PBLD: variants seen among roughly 807,000 people sequenced by gnomAD.
The protein encoded by PBLD is phenazine biosynthesis-like domain-containing protein.
PBLD carries 26 observed loss-of-function variants against 31.3 expected under a neutral mutation model. The ratio of observed to expected loss-of-function variants is 0.83; its 90% CI spans 0.61 to 1.15. The LOEUF is 1.15. Ranked by LOEUF, PBLD falls within the 50% of genes most tolerant of loss-of-function variation. PBLD has a pLI of 0.00. For missense variants in PBLD, 307 were observed against 351.7 expected, an observed-to-expected ratio of 0.87 and a Z score of 1.02; for synonymous variants, 114 against 129.0, an observed-to-expected ratio of 0.88 and a Z score of 0.79.
rs1379246864 is a variant in PBLD, at chr10:68,284,163, C to T, written c.*14G>A. 2.5e-6 allele frequency: 4 copies of T among 1,601,838 alleles called. No homozygotes were observed. Among genetic ancestry groups the T allele is most frequent in the Non-Finnish European group, 3.4e-6 (4 of 1,169,940 alleles). ...TTGGTGGTTAGAGACAGCAGCGTCA[C>T]AGCATAACCACCTCTAGGCTGTCAG... On this transcript the variant is annotated 3_prime_UTR_variant, in exon 10 of 10. Transcript: ENST00000358769.
Position 68,292,374 on chromosome 10 carries a change from T to C in PBLD, c.284-136A>G, listed in dbSNP as rs2044371481. The C allele has an allele frequency of 7.0e-6, 5 of 711,782 alleles. No individual in the cohort carries two copies. The South Asian group carries it at 7.2e-5, about 10-fold the overall frequency. The allele number at this position is 711,782 out of a possible 1,614,324, so 44.1% of individuals were successfully genotyped here. ...TATGATGGAGCGAGGTTTGGGTTGC[T>C]GAGGTCTAGAATGGAGAAAACTCTC... On this transcript the variant is annotated intron_variant, in intron 4 of 9. Transcript: ENST00000358769.
At chr10:68,322,494 C>A (rs918060660) in intron 1 of PBLD, among the ~76,000 whole-genome samples, 5 of 146,456 alleles carry the variant, frequency 3.4e-5, no homozygotes, top group African/African-American at 1.3e-4. Flanking sequence ...GATCTCATCT[C>A]GACAAAAAAT....
At chr10:68,297,144 T>C (rs1589653770) in intron 2 of PBLD, 159 bp from the exon 3 acceptor site, 2 of 636,822 alleles carry the variant, frequency 3.1e-6, no homozygotes, top group East Asian at 5.5e-5. Flanking sequence ...TTTATAAAGA[T>C]TGGTTCTCAG....
intron 1 of PBLD, among the ~76,000 whole-genome samples, chr10:68,328,379 A>T (rs148864207): frequency 1.4e-4 from 21 of 152,078 alleles, no homozygotes; most frequent in Non-Finnish European, 2.8e-4. Context: ...GAAGAGTGTA[A>T]TCTCTTTCAA....
intron 2 of PBLD, among the ~76,000 whole-genome samples, chr10:68,302,022 C>T (rs942201529): frequency 2.0e-5 from 3 of 152,180 alleles, no homozygotes; most frequent in Admixed American, 6.5e-5. Flanking sequence ...ACACTGCAAC[C>T]AAAGGTCAAG....
chr10:68,303,151 A>G (rs4746758), intron 2 of PBLD, among the ~76,000 whole-genome samples: 119,525 of 151,680 alleles, frequency 0.79, 47,719 homozygotes, highest in Non-Finnish European at 0.86. Flanking sequence ...TGGGCTCACT[A>G]CAACCTCTGC....
chr10:68,300,584 G>A (rs1401229356), intron 2 of PBLD, among the ~76,000 whole-genome samples: 1 of 152,212 alleles, frequency 6.6e-6, no homozygotes, highest in Non-Finnish European at 1.5e-5. Flanking sequence ...ATTTTCACAA[G>A]CTCCCCAGGT....
chr10:68,298,550 T>C (rs892751764), intron 2 of PBLD, among the ~76,000 whole-genome samples: 2 of 152,182 alleles, frequency 1.3e-5, no homozygotes, highest in Non-Finnish European at 2.9e-5. Flanking sequence ...AACTTTTCTG[T>C]AGGTTTTTAA....
At chr10:68,294,767 G>A (rs897994889) in intron 4 of PBLD, among the ~76,000 whole-genome samples, 5 of 151,922 alleles carry the variant, frequency 3.3e-5, no homozygotes, top group African/African-American at 9.7e-5. Context: ...TCGCTCTGTC[G>A]CCCAGGCTGG....
chr10:68,299,550 G>A (rs1210423902), intron 2 of PBLD, among the ~76,000 whole-genome samples: 1 of 151,954 alleles, frequency 6.6e-6, no homozygotes, highest in Non-Finnish European at 1.5e-5. Flanking sequence ...TAAAACTACC[G>A]GCTGATATAA....
chr10:68,284,419 T>C (rs1334331057), intron 9 of PBLD, 130 bp from the exon 10 acceptor site: 9 of 754,920 alleles, frequency 1.2e-5, no homozygotes, highest in Non-Finnish European at 1.9e-5. Context: ...TTCGTCTGTT[T>C]ATGGTACTGC....
chr10:68,297,385 T>A lies in PBLD; in HGVS notation c.85-400A>T, dbSNP rs532914738. On this transcript the variant is annotated intron_variant, in intron 2 of 9. Transcript: ENST00000358769. ...CACTCTGGGCAGGCTGGACCACTCC[T>A]CCCCTGTCTTTGCATGGTTCACTCT... 3.0e-4 allele frequency among the ~76,000 whole-genome samples: 45 copies of A among 152,278 alleles called. No individual in the cohort carries two copies. In the South Asian group the frequency reaches 9.1e-3, roughly 31 times the overall value.
At chr10:68,319,854 G>A (rs1056274139) in intron 1 of PBLD, among the ~76,000 whole-genome samples, 14 of 139,788 alleles carry the variant, frequency 1.0e-4, no homozygotes, top group Non-Finnish European at 1.7e-4. Flanking sequence ...ATGGAGTTTC[G>A]CTCTTGTTGC....
intron 1 of PBLD, among the ~76,000 whole-genome samples, chr10:68,315,229 G>T (rs1158112405): frequency 6.6e-6 from 1 of 152,194 alleles, no homozygotes; most frequent in Non-Finnish European, 1.5e-5. Context: ...TAAGGCAAAT[G>T]ATAGGCTAAT....
intron 7 of PBLD, 130 bp from the exon 8 acceptor site, chr10:68,288,791 A>C (rs1022689439): frequency 1.6e-6 from 2 of 1,265,544 alleles, no homozygotes; most frequent in Non-Finnish European, 2.2e-6. Flanking sequence ...AACAAGTGGG[A>C]ATGTCTTCCT....
At chr10:68,292,685 T>C (rs1478443006) in intron 4 of PBLD, among the ~76,000 whole-genome samples, 2 of 151,988 alleles carry the variant, frequency 1.3e-5, no homozygotes, top group Non-Finnish European at 2.9e-5. Flanking sequence ...AATTTTTGTA[T>C]TTTTAGTAGA....
rs150281330 is a variant in PBLD at position 68,289,189 on chromosome 10, G to A, written c.424-170C>T. ...TTCAGAGCTTAAGGTGTTGCCCAAG[G>A]ATGGTCAGTCTCCTGGCTACCAAAG... On this transcript the variant is annotated intron_variant, in intron 6 of 9. Coordinates refer to ENST00000358769, the MANE Select transcript of PBLD (RefSeq NM_022129.4). 2.9e-3 allele frequency among the ~76,000 whole-genome samples: 447 copies of A among 152,234 alleles called. 2 individuals are homozygous for A. Among genetic ancestry groups the A allele is most frequent in the South Asian group, 0.013 (64 of 4,818 alleles).
At chr10:68,325,441 T>C (rs2044903679) in intron 1 of PBLD, among the ~76,000 whole-genome samples, 1 of 152,070 alleles carries the variant, frequency 6.6e-6, no homozygotes, top group Non-Finnish European at 1.5e-5. Context: ...GGTGTATGCC[T>C]GTAGTCCCAG....
At chr10:68,319,013 A>G (rs1188446294) in intron 1 of PBLD, among the ~76,000 whole-genome samples, 1 of 148,952 alleles carries the variant, frequency 6.7e-6, no homozygotes, top group African/African-American at 2.5e-5. Flanking sequence ...GAAAGAAAGA[A>G]AGAGAGAGGG....
Sources: allele counts gnomAD v4.1 joint callset (sites outside exome capture counted in the v4.1 genomes callset), GRCh38; gene constraint gnomAD v4.1.1; transcripts MANE v1.5; gene names NCBI Gene and HGNC (gene_info 2026-07-23, HGNC 2026-07-21).